Variants in ABCC2 observed in about 807,000 individuals in gnomAD.
ABCC2 encodes ATP binding cassette subfamily C member 2, also known as ATP-binding cassette sub-family C member 2.
ABCC2 carries 157 observed loss-of-function variants against 173.4 expected under a neutral mutation model. That is an observed-to-expected ratio of 0.91 (90% CI 0.80 to 1.03). ABCC2 has a LOEUF of 1.03. ABCC2 is among the 50% of genes least tolerant of loss of function. The pLI is 0.00. For missense variants in ABCC2, 1,822 were observed against 1,852.3 expected, an observed-to-expected ratio of 0.98 and a Z score of 0.30; for synonymous variants, 657 against 693.5, an observed-to-expected ratio of 0.95 and a Z score of 0.83.
intron 11 of ABCC2, 83 bp downstream of exon 11, chr10:99,805,530 T>G: frequency 2.2e-6 from 3 of 1,375,762 alleles, no homozygotes; most frequent in Non-Finnish European, 3.1e-6. Context: ...CTGGTAGAGG[T>G]GATGGATTCC....
chr10:99,850,309 G>T (rs753875805), intron 30 of ABCC2, among the ~76,000 whole-genome samples: 2 of 152,220 alleles, frequency 1.3e-5, no homozygotes, highest in African/African-American at 2.4e-5. Context: ...ATGGCCTGGG[G>T]TGCTTAGTAA....
Position 99,797,133 on chromosome 10 carries a change from C to T in ABCC2, c.669C>T (p.Leu223=), listed in dbSNP as rs1436844186. ...ILKGYKRPLT[L]EDVWEVDEEM... ...AAGGCTACAAGCGTCCTCTGACACT[C>T]GAGGATGTCTGGGAAGTTGATGAAG... The change falls in exon 7 of 32, where the codon CTC becomes CTT. Residue 223 remains leucine, a synonymous_variant. Transcript: ENST00000647814. The T allele has an allele frequency of 5.0e-6, 8 of 1,614,034 alleles. No homozygotes were observed. The highest frequency in any genetic ancestry group is 1.7e-5 in the Admixed American group (1 of 60,006).
At chr10:99,823,917 A>G (rs2038583127) in intron 19 of ABCC2, among the ~76,000 whole-genome samples, 1 of 141,240 alleles carries the variant, frequency 7.1e-6, no homozygotes, top group South Asian at 2.4e-4. Flanking sequence ...TAATGTAGCT[A>G]TTTGATCCAA....
At chr10:99,823,651 T>G (rs1401805074) in intron 19 of ABCC2, among the ~76,000 whole-genome samples, 1 of 145,084 alleles carries the variant, frequency 6.9e-6, no homozygotes, top group African/African-American at 2.6e-5. Flanking sequence ...GAACCATCAG[T>G]AAATACTGTT....
intron 1 of ABCC2, among the ~76,000 whole-genome samples, chr10:99,783,145 A>G (rs921806561): frequency 6.6e-6 from 1 of 152,248 alleles, no homozygotes; most frequent in Non-Finnish European, 1.5e-5. Context: ...AAAGAGAAAC[A>G]GGTAAAAACC....
rs570072740 is a variant in ABCC2 at position 99,851,927 on chromosome 10, C to A, written c.*296C>A. On this transcript the variant is annotated 3_prime_UTR_variant, in exon 32 of 32. Coordinates refer to ENST00000647814, the MANE Select transcript of ABCC2 (RefSeq NM_000392.5). ...TTTGCCTTTCATTTCTGTTTTATCA[C>A]CTTTGTATGTATCTTTAAACAACAT... 1.4e-3 allele frequency: 409 copies of A among 293,948 alleles called. 3 individuals are homozygous for A. In the South Asian group the frequency reaches 0.02, roughly 14 times the overall value. The allele number at this position is 293,948 out of a possible 1,614,324, so 18.2% of individuals were successfully genotyped here.
In ABCC2 at chr10:99,814,797, A is replaced by ATGTATATACACACACACATGTG. The variant is rs1564686256; in HGVS notation, c.2094+1656_2094+1657insATATACACACACACATGTGTGT. Among the ~76,000 whole-genome samples the ATGTATATACACACACACATGTG allele has an allele frequency of 4.3e-4, 60 of 138,356 alleles. 1 individual carries two copies. Among genetic ancestry groups the ATGTATATACACACACACATGTG allele is most frequent in the Non-Finnish European group, 7.8e-4 (50 of 63,872 alleles). 90.8% of individuals were successfully genotyped at this position (138,356 alleles called of 152,430 possible). ...TGTGTATGTATATACACACACACAT[A>ATGTATATACACACACACATGTG]TGTGTGTGTGTATATATATATTTTG... is the stretch of plus-strand genomic sequence containing the variant. On this transcript the variant is annotated intron_variant, in intron 16 of 31. Transcript: ENST00000647814.
chr10:99,850,495 G>GA (rs750761334), intron 30 of ABCC2, 107 bp from the exon 31 acceptor site: 4 of 1,098,746 alleles, frequency 3.6e-6, no homozygotes, highest in East Asian at 5.1e-5. Flanking sequence ...GGGAATTTTG[G>GA]AGGGGGGGTT....
intron 7 of ABCC2, 152 bp from the exon 8 acceptor site, chr10:99,799,055 G>A: frequency 1.3e-6 from 1 of 773,682 alleles, no homozygotes; most frequent in East Asian, 2.5e-5. Context: ...AACAGTGAAG[G>A]CAGCTAGAAG....
At chr10:99,794,564 G>A in intron 6 of ABCC2, 96 bp downstream of exon 6, 1 of 1,260,780 alleles carries the variant, frequency 7.9e-7, no homozygotes, top group Non-Finnish European at 1.1e-6. Context: ...TTTTTTTTGA[G>A]ATGGAGTTTT....
In ABCC2 at chr10:99,829,887, A is replaced by G. The variant is rs2038709357; in HGVS notation, c.2621-420A>G. Among the ~76,000 whole-genome samples, 3 of 152,178 alleles carry G rather than the reference A, an allele frequency of 2.0e-5. No individual in the cohort carries two copies. The South Asian group carries it at 6.2e-4, about 31-fold the overall frequency. Reference sequence around the variant, plus strand: ...GTGATCCTCCCACCTTGGCCTCCCAAAGGGCTGGGATTACAGGTGTGAGCC... The same window carrying G: ...GTGATCCTCCCACCTTGGCCTCCCAGAGGGCTGGGATTACAGGTGTGAGCC... On this transcript the variant is annotated intron_variant, in intron 19 of 31. Transcript: ENST00000647814.
chr10:99,848,069 C>G (rs2039043109), intron 30 of ABCC2, among the ~76,000 whole-genome samples: 1 of 152,160 alleles, frequency 6.6e-6, no homozygotes, highest in East Asian at 1.9e-4. Flanking sequence ...TGGTCCAATC[C>G]TAGAGTCTGA....
intron 7 of ABCC2, 128 bp from the exon 8 acceptor site, chr10:99,799,079 A>C: frequency 1.0e-6 from 1 of 961,724 alleles, no homozygotes; most frequent in Non-Finnish European, 1.6e-6. Context: ...AGAAGCAACT[A>C]GGCCAGGGAG....
intron 5 of ABCC2, 42 bp from the exon 6 acceptor site, chr10:99,794,371 G>C: frequency 1.3e-6 from 2 of 1,555,794 alleles, no homozygotes; most frequent in Non-Finnish European, 1.8e-6. Context: ...TGAAGTTCCT[G>C]TCTCCAATTG....
intron 10 of ABCC2, 106 bp from the exon 11 acceptor site, chr10:99,805,276 A>C: frequency 1.0e-6 from 1 of 977,540 alleles, no homozygotes; most frequent in Admixed American, 1.9e-5. Context: ...TCAAGTTCTT[A>C]CTAAGTGACA....
Position 99,821,610 on chromosome 10 carries a change from C to T in ABCC2, c.2620+2341C>T, listed in dbSNP as rs556694456. 2.4e-4 allele frequency among the ~76,000 whole-genome samples: 37 copies of T among 152,272 alleles called. 1 individual carries two copies. Among genetic ancestry groups the T allele is most frequent in the African/African-American group, 8.7e-4 (36 of 41,532 alleles). On this transcript the variant is annotated intron_variant, in intron 19 of 31. Coordinates refer to ENST00000647814, the MANE Select transcript of ABCC2 (RefSeq NM_000392.5). Reference sequence around the variant, plus strand: ...TCTGTTTAACAAAGCACATCTTGCACCACCCTTAATCCATTTAACCCTGAG... The same window carrying T: ...TCTGTTTAACAAAGCACATCTTGCATCACCCTTAATCCATTTAACCCTGAG...
intron 2 of ABCC2, among the ~76,000 whole-genome samples, chr10:99,790,296 A>G (rs1483124546): frequency 1.4e-4 from 21 of 152,184 alleles, no homozygotes; most frequent in Admixed American, 1.3e-3. Context: ...TTGTATTCTC[A>G]TATTAATGAG....
At position 99,814,284 on chromosome 10, in the gene ABCC2, TAC is replaced by T. The variant is rs1374736029; in HGVS notation, c.2094+1147_2094+1148del. On this transcript the variant is annotated intron_variant, in intron 16 of 31. Transcript: ENST00000647814. ...ACACGTATGTATACACACGTATGTA[TAC>T]ACACACGTATGTATACACACATGTA... Among the ~76,000 whole-genome samples, 295 of 77,788 alleles carry T rather than the reference TAC, an allele frequency of 3.8e-3. 61 individuals carry two copies. The highest frequency in any genetic ancestry group is 5.9e-3 in the Non-Finnish European group (225 of 37,976). 51.0% of individuals were successfully genotyped at this position (77,788 alleles called of 152,430 possible).
chr10:99,799,475 A>G, intron 8 of ABCC2, 105 bp downstream of exon 8: 1 of 1,357,088 alleles, frequency 7.4e-7, no homozygotes, highest in Non-Finnish European at 1.0e-6. Flanking sequence ...CCATTTTTTA[A>G]AAATGCTCGT....
Sources: allele counts gnomAD v4.1 joint callset (sites outside exome capture counted in the v4.1 genomes callset), GRCh38; gene constraint gnomAD v4.1.1; transcripts MANE v1.5; gene names NCBI Gene and HGNC (gene_info 2026-07-23, HGNC 2026-07-21).